The following SUCLA2 variants were observed in gnomAD, a reference collection of about 807,000 sequenced individuals.
SUCLA2 encodes the protein succinate--CoA ligase [ADP-forming] subunit beta, mitochondrial.
Under a neutral mutation model 54.8 loss-of-function variants are expected in SUCLA2, and 30 were observed. The observed-to-expected ratio is 0.55, with a 90% CI of 0.41 to 0.74. The LOEUF is 0.74. Ranked by LOEUF, SUCLA2 falls within the 30% of genes least tolerant of loss-of-function variation. The pLI is 0.00. For missense variants in SUCLA2, 476 were observed against 562.9 expected (o/e 0.85, Z 1.56); for synonymous variants, 172 against 188.9 (o/e 0.91, Z 0.74).
chr13:47,989,490 CG>C (rs1212550522), intron 2 of SUCLA2, among the ~76,000 whole-genome samples: 15 of 149,238 alleles, frequency 1.0e-4, no homozygotes, highest in Non-Finnish European at 1.2e-4. Context: ...GGATTACAGG[CG>C]TGAGCCAGTG....
intron 6 of SUCLA2, among the ~76,000 whole-genome samples, chr13:47,966,967 C>A (rs1593487709): frequency 6.6e-6 from 1 of 152,232 alleles, no homozygotes; most frequent in Non-Finnish European, 1.5e-5. Context: ...CTGCAGTGAG[C>A]TGTGATTGTG....
At chr13:47,990,944 T>G (rs1320657318) in intron 2 of SUCLA2, among the ~76,000 whole-genome samples, 1 of 152,230 alleles carries the variant, frequency 6.6e-6, no homozygotes, top group Non-Finnish European at 1.5e-5. Flanking sequence ...GATGACCCTA[T>G]GCGTAGTCAG....
chr13:47,948,360 C>A (rs892528425), intron 10 of SUCLA2, among the ~76,000 whole-genome samples: 1 of 151,770 alleles, frequency 6.6e-6, no homozygotes, highest in Non-Finnish European at 1.5e-5. Flanking sequence ...CATACATATG[C>A]GTGCATGTGT....
chr13:47,963,865 T>C (rs1949893763), intron 6 of SUCLA2, among the ~76,000 whole-genome samples: 1 of 152,192 alleles, frequency 6.6e-6, no homozygotes, highest in South Asian at 2.1e-4. Flanking sequence ...CCAGGGTCCT[T>C]TGGAGAAAAG....
chr13:47,956,145 A>G (rs367835145), intron 6 of SUCLA2, among the ~76,000 whole-genome samples: 1 of 152,248 alleles, frequency 6.6e-6, no homozygotes, highest in Non-Finnish European at 1.5e-5. Context: ...AGACTATTAT[A>G]AACTTTTTAA....
At chr13:47,969,229 T>A (rs980488217) in intron 5 of SUCLA2, among the ~76,000 whole-genome samples, 1 of 152,136 alleles carries the variant, frequency 6.6e-6, no homozygotes, top group African/African-American at 2.4e-5. Context: ...AAATGTGGAC[T>A]GACAACCCTT....
intron 5 of SUCLA2, among the ~76,000 whole-genome samples, chr13:47,970,106 C>A (rs1949950461): frequency 1.3e-5 from 1 of 75,178 alleles, no homozygotes. Context: ...TGTCTCCCCC[C>A]CACAAAAAAA....
chr13:47,975,622 G>A (rs1950006205), intron 4 of SUCLA2, among the ~76,000 whole-genome samples: 1 of 152,038 alleles, frequency 6.6e-6, no homozygotes, highest in Admixed American at 6.6e-5. Flanking sequence ...ACTTTTTTAA[G>A]AGTGTTAAAC....
intron 3 of SUCLA2, 62 bp downstream of exon 3, chr13:47,988,820 C>A (rs1396759711): frequency 2.5e-6 from 4 of 1,595,048 alleles, no homozygotes; most frequent in East Asian, 2.2e-5. Flanking sequence ...TTCATCAATT[C>A]AATAAGTAAT....
chr13:47,943,258 A>G lies in SUCLA2; in HGVS notation c.*113T>C, dbSNP rs1274319429. The G allele has an allele frequency of 1.9e-6, 2 of 1,030,422 alleles. No homozygotes were observed. The highest frequency in any genetic ancestry group is 4.8e-5 in the East Asian group (2 of 41,872). The allele number at this position is 1,030,422 out of a possible 1,614,324, so 63.8% of individuals were successfully genotyped here. On this transcript the variant is annotated 3_prime_UTR_variant, in exon 11 of 11. Transcript: ENST00000646932. ...TCCTTTTAAATGTTTGTGTGCCTAG[A>G]TGGCAATTACAATCTCCACACACTA...
At chr13:47,950,716 T>A (rs1949769496) in intron 8 of SUCLA2, among the ~76,000 whole-genome samples, 1 of 152,122 alleles carries the variant, frequency 6.6e-6, no homozygotes, top group Non-Finnish European at 1.5e-5. Context: ...AACAATGAGA[T>A]TAAAATGCAT....
intron 6 of SUCLA2, among the ~76,000 whole-genome samples, chr13:47,959,864 T>G (rs1187711157): frequency 1.3e-5 from 2 of 152,176 alleles, no homozygotes; most frequent in Non-Finnish European, 2.9e-5. Context: ...TAGTTAAGCA[T>G]GAAGCCAGAT....
chr13:47,950,631 T>C (rs1176462398), intron 8 of SUCLA2, among the ~76,000 whole-genome samples: 1 of 152,168 alleles, frequency 6.6e-6, no homozygotes, highest in Non-Finnish European at 1.5e-5. Context: ...ATCAGTGTTC[T>C]CCTATCCTTT....
intron 4 of SUCLA2, among the ~76,000 whole-genome samples, chr13:47,986,453 G>A (rs904697110): frequency 5.3e-5 from 8 of 152,030 alleles, no homozygotes; most frequent in Non-Finnish European, 7.4e-5. Context: ...GACCTTTGTC[G>A]GAAGGATAGA....
intron 6 of SUCLA2, among the ~76,000 whole-genome samples, chr13:47,960,529 C>A (rs902376505): frequency 2.0e-5 from 3 of 152,014 alleles, no homozygotes; most frequent in Non-Finnish European, 4.4e-5. Context: ...CAAGATAATT[C>A]AATTCAATCA....
intron 2 of SUCLA2, among the ~76,000 whole-genome samples, chr13:47,996,208 A>G (rs966634214): frequency 6.6e-6 from 1 of 151,630 alleles, no homozygotes; most frequent in African/African-American, 2.4e-5. Context: ...TTGTAATACC[A>G]GGTACTCGGG....
intron 1 of SUCLA2, among the ~76,000 whole-genome samples, chr13:47,999,795 T>C (rs1271434500): frequency 2.0e-5 from 3 of 152,090 alleles, no homozygotes; most frequent in Admixed American, 6.6e-5. Flanking sequence ...TACTTCTATG[T>C]CCTCATCTAC....
chr13:47,954,202 C>T lies in SUCLA2; in HGVS notation c.1045G>A (p.Gly349Ser), dbSNP rs1391114103. 1 of 1,613,722 alleles carries T rather than the reference C, an allele frequency of 6.2e-7. No individual in the cohort carries two copies. Among genetic ancestry groups the T allele is most frequent in the Non-Finnish European group, 8.5e-7 (1 of 1,179,868 alleles). The change falls in exon 8 of 11, where the codon GGT becomes AGT. Residue 349 changes from glycine (G) to serine (S), a missense_variant. Physicochemically the swap from Gly to Ser is moderately conservative, Grantham distance 56. This residue lies in a region of SUCLA2 where 342 missense variants were observed against 444.2 expected (regional missense o/e 0.77). Transcript: ENST00000646932. The stretch of plus-strand genomic sequence containing the variant: ...ACTTGATGGACTGTAGCACCACCAC[C>T]AACATCAAGGAAGTTGGCTGGAGTC... ...GGTPANFLDV[G>S]GGATVHQVTE...
chr13:47,996,934 A>G lies in SUCLA2; in HGVS notation c.180T>C (p.Ser60=), dbSNP rs977443037. Residue 60 remains serine, a synonymous_variant, in exon 2 of 11, where the codon AGT becomes AGC. Transcript: ENST00000646932. ...CACCAGCTTCTTGCAATAATTCCAT[A>G]CTCATGTATTCATGTAGTGAGAGAT... ...QRNLSLHEYM[S]MELLQEAGVS... 1.9e-6 allele frequency: 3 copies of G among 1,613,858 alleles called. No individual in the cohort carries two copies. The South Asian group carries it at 3.3e-5, about 18-fold the overall frequency.
Sources: gnomAD v4.1 joint callset for allele counts (sites outside exome capture counted in the v4.1 genomes callset) on GRCh38, gnomAD v4.1.1 for gene constraint, gnomAD v4.1.1 regional missense constraint, MANE v1.5 for transcripts, NCBI Gene and HGNC (gene_info 2026-07-23, HGNC 2026-07-21) for gene names.